Variants in TRIM54 observed in about 807,000 individuals in gnomAD.
TRIM54 encodes the protein tripartite motif containing 54, also known as tripartite motif-containing protein 54.
Under a neutral mutation model 42.0 loss-of-function variants are expected in TRIM54, and 40 were observed. The ratio of observed to expected loss-of-function variants is 0.95; its 90% CI spans 0.74 to 1.24. The LOEUF is 1.24. Ranked by LOEUF, TRIM54 falls within the 50% of genes most tolerant of loss-of-function variation. The pLI, the probability that TRIM54 is intolerant of heterozygous loss-of-function variation, is 0.00. For synonymous variants in TRIM54, 199 were observed against 194.9 expected, an observed-to-expected ratio of 1.02 and a Z score of -0.17; for missense variants, 485 against 480.3, an observed-to-expected ratio of 1.01 and a Z score of -0.09.
chr2:27,293,600 G>A (rs1191188099), intron 1 of TRIM54, among the ~76,000 whole-genome samples: 4 of 152,122 alleles, frequency 2.6e-5, no homozygotes, highest in African/African-American at 9.7e-5. Context: ...GTCATCTTTT[G>A]TTGATCTTTG....
rs1270969850 is a variant in TRIM54 at position 27,298,724 on chromosome 2, A to C, written c.326A>C (p.Lys109Thr). The C allele has an allele frequency of 6.2e-7, 1 of 1,614,042 alleles. No individual in the cohort carries two copies. Among genetic ancestry groups the C allele is most frequent in the South Asian group, 1.1e-5 (1 of 91,068 alleles). ...GTGGAGAACATTATCGACATTTACA[A>C]GCAGGAGTCATCCAGGTGAGCCACC... ...LLVENIIDIY[K>T]QESSRPLHSK... Residue 109 changes from lysine (K) to threonine (T), a missense_variant, in exon 2 of 9, where the codon AAG becomes ACG. Coordinates refer to ENST00000380075, the MANE Select transcript of TRIM54 (RefSeq NM_187841.3).
At chr2:27,295,797 A>G (rs913918466) in intron 1 of TRIM54, among the ~76,000 whole-genome samples, 2 of 152,194 alleles carry the variant, frequency 1.3e-5, no homozygotes, top group Non-Finnish European at 2.9e-5. Context: ...AAAGATAAGA[A>G]AGACAGGAGA....
At chr2:27,298,501 C>T in intron 1 of TRIM54, 66 bp from the exon 2 acceptor site, 1 of 1,374,506 alleles carries the variant, frequency 7.3e-7, no homozygotes, top group Non-Finnish European at 1.0e-6. Flanking sequence ...AGCCCTTTCC[C>T]CCTGCCTCCT....
At chr2:27,288,252 A>G (rs941016707) in intron 1 of TRIM54, among the ~76,000 whole-genome samples, 6 of 152,210 alleles carry the variant, frequency 3.9e-5, no homozygotes, top group Non-Finnish European at 2.9e-5. Context: ...GTTGAGGGAA[A>G]TAGCCTCCAA....
chr2:27,295,581 C>T (rs1346060098), intron 1 of TRIM54, among the ~76,000 whole-genome samples: 5 of 152,166 alleles, frequency 3.3e-5, no homozygotes, highest in African/African-American at 7.2e-5. Flanking sequence ...GCTGGGATTA[C>T]GGGCATGAGC....
chr2:27,305,949 A>ACAG, intron 5 of TRIM54, 131 bp from the exon 6 acceptor site: 1 of 1,402,250 alleles, frequency 7.1e-7, no homozygotes, highest in Non-Finnish European at 9.8e-7. Flanking sequence ...ACCCCCTCTG[A>ACAG]GTTCGTTTTC....
In TRIM54 at chr2:27,307,194, G is replaced by C. The variant is rs374541319; in HGVS notation, c.*309G>C. The C allele has an allele frequency of 1.0e-5, 4 of 395,110 alleles. No individual in the cohort carries two copies. Among genetic ancestry groups the C allele is most frequent in the African/African-American group, 8.6e-5 (4 of 46,476 alleles). 24.5% of individuals were successfully genotyped at this position (395,110 alleles called of 1,614,324 possible). A position where few individuals can be genotyped will look rare whatever the true frequency, so the allele number is the denominator to read the frequency against. On this transcript the variant is annotated 3_prime_UTR_variant, in exon 9 of 9. Coordinates refer to ENST00000380075, the MANE Select transcript of TRIM54 (RefSeq NM_187841.3). This position sits in a 1 kb window ranked among gnomAD's most constrained non-coding sequence, Gnocchi z 6.9. ...AGCCCAGCGCCCTGGGAAGAGGGCC[G>C]AGGGCGGGGCGGTGGTGCCGGGACC...
At chr2:27,290,420 C>A (rs1297671480) in intron 1 of TRIM54, among the ~76,000 whole-genome samples, 1 of 152,262 alleles carries the variant, frequency 6.6e-6, no homozygotes, top group South Asian at 2.1e-4. Context: ...GTAATCCCAG[C>A]ACTATGGGAG....
intron 1 of TRIM54, among the ~76,000 whole-genome samples, chr2:27,288,072 T>C (rs1029542171): frequency 3.9e-5 from 6 of 152,230 alleles, no homozygotes; most frequent in Admixed American, 2.0e-4. Flanking sequence ...GTCCCTCTTA[T>C]ACCTGCAGCT....
intron 1 of TRIM54, among the ~76,000 whole-genome samples, chr2:27,283,774 A>G (rs1472695867): frequency 0.01 from 895 of 87,268 alleles, 8 homozygotes; most frequent in African/African-American, 0.04. Flanking sequence ...GCACACACAC[A>G]CACACGCGCG....
In TRIM54 at chr2:27,301,135, CT is replaced by C. The variant is rs35279593; in HGVS notation, c.513+1741del. Among the ~76,000 whole-genome samples, 789 of 125,340 alleles carry C rather than the reference CT, an allele frequency of 6.3e-3. 4 individuals are homozygous for C. Among genetic ancestry groups the C allele is most frequent in the African/African-American group, 0.019 (620 of 32,926 alleles). 82.2% of individuals were successfully genotyped at this position (125,340 alleles called of 152,430 possible). On this transcript the variant is annotated intron_variant, in intron 3 of 8. Transcript: ENST00000380075. ...AGCCCCTAGGGCTGCTGGTTGCCCTCTTTTTTTTTTTTTTTTTTTTTTAGAT... is the reference window on the plus strand; with the variant it reads ...AGCCCCTAGGGCTGCTGGTTGCCCTCTTTTTTTTTTTTTTTTTTTTTAGAT...
chr2:27,305,953 C>T (rs1051672972), intron 5 of TRIM54, 127 bp from the exon 6 acceptor site: 5 of 1,415,532 alleles, frequency 3.5e-6, no homozygotes, highest in African/African-American at 1.4e-5. Context: ...CCTCTGAGTT[C>T]GTTTTCTGCT....
chr2:27,298,513 C>T (rs1357779311), intron 1 of TRIM54, 54 bp from the exon 2 acceptor site: 25 of 1,496,014 alleles, frequency 1.7e-5, no homozygotes, highest in Admixed American at 3.5e-5. Context: ...CTGCCTCCTC[C>T]GAGTCCCTTC....
In TRIM54 at chr2:27,306,732, C is replaced by T. The variant is rs1418115452; in HGVS notation, c.*2-155C>T. On this transcript the variant is annotated intron_variant, in intron 8 of 8. Transcript: ENST00000380075. The surrounding 1 kb of genome is among the most constrained non-coding windows in gnomAD (Gnocchi z 6.1). The stretch of plus-strand genomic sequence containing the variant: ...CCCCTAGGGCGGAAAAGTACACTTT[C>T]CTCCTCACCCGCTGTTCCTCTGGGG... Among the ~76,000 whole-genome samples, 2 of 152,212 alleles carry T rather than the reference C, an allele frequency of 1.3e-5. No individual in the cohort carries two copies. The highest frequency in any genetic ancestry group is 4.8e-5 in the African/African-American group (2 of 41,458).
At chr2:27,305,353 A>C (rs1394877126) in intron 4 of TRIM54, 1 of 589,636 alleles carries the variant, frequency 1.7e-6, no homozygotes, top group Non-Finnish European at 3.0e-6. Flanking sequence ...TAAATGGAAT[A>C]ATGCAAATAA....
chr2:27,295,913 G>C (rs962373394), intron 1 of TRIM54, among the ~76,000 whole-genome samples: 1 of 152,168 alleles, frequency 6.6e-6, no homozygotes, highest in African/African-American at 2.4e-5. Flanking sequence ...ACACTTTAAC[G>C]CATTCCCTAA....
At chr2:27,294,479 G>T (rs1678809724) in intron 1 of TRIM54, among the ~76,000 whole-genome samples, 1 of 152,144 alleles carries the variant, frequency 6.6e-6, no homozygotes, top group Non-Finnish European at 1.5e-5. Context: ...ACAGGCTCTG[G>T]AGTCAGAGTG....
intron 1 of TRIM54, among the ~76,000 whole-genome samples, chr2:27,286,877 G>T (rs566155999): frequency 6.6e-6 from 1 of 152,188 alleles, no homozygotes; most frequent in South Asian, 2.1e-4. Flanking sequence ...AGGCCTGCCA[G>T]AGAAGATCCT....
intron 3 of TRIM54, among the ~76,000 whole-genome samples, chr2:27,300,738 T>C (rs1679012881): frequency 6.6e-6 from 1 of 152,068 alleles, no homozygotes; most frequent in South Asian, 2.1e-4. Context: ...CATGGTGGCA[T>C]GCCTGTAGTC....
Sources: gnomAD v4.1 joint callset for allele counts (sites outside exome capture counted in the v4.1 genomes callset) on GRCh38, gnomAD v4.1.1 for gene constraint, Gnocchi (gnomAD v3.1) non-coding constraint, MANE v1.5 for transcripts, NCBI Gene and HGNC (gene_info 2026-07-23, HGNC 2026-07-21) for gene names.